Variants in NOL4 observed in about 807,000 individuals in gnomAD.
The protein encoded by NOL4 is cancer/testis antigen 125.
A neutral mutation model predicts 75.9 loss-of-function variants in NOL4; 17 were observed. The observed-to-expected ratio is 0.22, with a 90% CI of 0.15 to 0.34. The LOEUF (loss-of-function observed/expected upper bound fraction) is 0.34, where lower values mean the gene tolerates loss of function less well. Ranked by LOEUF, NOL4 falls within the 10% of genes least tolerant of loss-of-function variation. The pLI, the probability that NOL4 is intolerant of heterozygous loss-of-function variation, is 1.00. For missense variants in NOL4, 614 were observed against 793.5 expected (o/e 0.77, Z 2.72); for synonymous variants, 292 against 289.9 (o/e 1.01, Z -0.07).
Position 33,943,171 on chromosome 18 carries a change from G to T in NOL4, c.1436C>A (p.Pro479His). Residue 479 changes from proline (P) to histidine (H), a missense_variant, in exon 9 of 11, where the codon CCT becomes CAT. Pro to His is a moderately conservative substitution (Grantham distance 77, BLOSUM62 -2). Around this residue, in one of 9 missense-constraint regions of NOL4, gnomAD observed 52 missense variants for 121.1 expected, o/e 0.43. Coordinates refer to ENST00000261592, the MANE Select transcript of NOL4 (RefSeq NM_003787.5). ...MKRSGFEMSR[P>H]IPSHLTSAVA... The stretch of plus-strand genomic sequence containing the variant: ...TGCTGAAGTAAGGTGGGAAGGAATA[G>T]GTCGAGACTAAAAAAAAAAAGAGAA... The T allele has an allele frequency of 6.2e-7, 1 of 1,603,814 alleles. No homozygotes were observed. Among genetic ancestry groups the T allele is most frequent in the Non-Finnish European group, 8.5e-7 (1 of 1,175,210 alleles).
chr18:34,018,630 G>A (rs1280186427), intron 6 of NOL4, among the ~76,000 whole-genome samples: 1 of 152,024 alleles, frequency 6.6e-6, no homozygotes, highest in Non-Finnish European at 1.5e-5. Context: ...ACCAGCATGT[G>A]TTATCTCAAA....
At chr18:34,104,256 G>T in intron 3 of NOL4, 97 bp from the exon 4 acceptor site, 1 of 757,606 alleles carries the variant, frequency 1.3e-6, no homozygotes, top group Non-Finnish European at 2.3e-6. Context: ...CAGGATTTTA[G>T]ATATCAAGTG....
intron 1 of NOL4, among the ~76,000 whole-genome samples, chr18:34,141,914 A>C: frequency 6.6e-6 from 1 of 152,064 alleles, no homozygotes; most frequent in East Asian, 1.9e-4. Flanking sequence ...GAATGGGAAA[A>C]TTTTTTGCAA....
intron 10 of NOL4, among the ~76,000 whole-genome samples, chr18:33,853,576 G>A (rs1346987572): frequency 2.6e-5 from 4 of 152,072 alleles, no homozygotes; most frequent in Admixed American, 2.6e-4. Context: ...GGCACAACCA[G>A]GACTTGACTT....
chr18:34,166,561 A>C (rs532211599), intron 1 of NOL4, among the ~76,000 whole-genome samples: 1 of 152,240 alleles, frequency 6.6e-6, no homozygotes, highest in African/African-American at 2.4e-5. Flanking sequence ...CCATAAATGC[A>C]ATCATGTCAC....
intron 1 of NOL4, among the ~76,000 whole-genome samples, chr18:34,171,039 A>AG (rs2032985258): frequency 6.6e-6 from 1 of 152,168 alleles, no homozygotes; most frequent in Admixed American, 6.5e-5. Flanking sequence ...TAAATATTTG[A>AG]GGCTTTCTTT....
chr18:34,201,159 G>GT (rs1201860883), intron 1 of NOL4, among the ~76,000 whole-genome samples: 1 of 151,554 alleles, frequency 6.6e-6, no homozygotes, highest in Non-Finnish European at 1.5e-5. Context: ...TATTCTGTTG[G>GT]TTTTTTACAT....
At chr18:34,164,758 T>G (rs1020559458) in intron 1 of NOL4, among the ~76,000 whole-genome samples, 1 of 151,880 alleles carries the variant, frequency 6.6e-6, no homozygotes, top group African/African-American at 2.4e-5. Context: ...CCCAAAGGAC[T>G]ATAAATCATG....
chr18:33,898,034 A>G (rs1383110161), intron 9 of NOL4, among the ~76,000 whole-genome samples: 4 of 152,066 alleles, frequency 2.6e-5, no homozygotes, highest in Non-Finnish European at 1.5e-5. Context: ...CAGCCTCCTG[A>G]ATAGATGGGA....
chr18:34,068,193 G>A (rs2077361893), intron 5 of NOL4, among the ~76,000 whole-genome samples: 1 of 152,152 alleles, frequency 6.6e-6, no homozygotes, highest in Non-Finnish European at 1.5e-5. Flanking sequence ...GAGAGGCTTT[G>A]CAGGGCTGGG....
chr18:33,944,684 A>G (rs1219287150), intron 8 of NOL4, among the ~76,000 whole-genome samples: 1 of 151,932 alleles, frequency 6.6e-6, no homozygotes, highest in Non-Finnish European at 1.5e-5. Context: ...CAGGAAAAAA[A>G]TGCAATATAA....
At chr18:34,046,628 ATATATATATG>A (rs1166911038) in intron 5 of NOL4, among the ~76,000 whole-genome samples, 2 of 132,630 alleles carry the variant, frequency 1.5e-5, no homozygotes, top group South Asian at 4.6e-4. Flanking sequence ...ATATATATAT[ATATATATATG>A]TATATGTACT....
intron 2 of NOL4, among the ~76,000 whole-genome samples, chr18:34,106,664 A>G (rs2079296172): frequency 6.6e-6 from 1 of 151,534 alleles, no homozygotes; most frequent in Non-Finnish European, 1.5e-5. Context: ...ATAAGAAAAT[A>G]TATATATAAT....
intron 2 of NOL4, chr18:34,129,004 C>T (rs2080509255): frequency 4.9e-6 from 1 of 202,418 alleles, no homozygotes; most frequent in Admixed American, 6.6e-5. Context: ...ATATTATTCT[C>T]ATTGCTGACA....
intron 6 of NOL4, among the ~76,000 whole-genome samples, chr18:33,971,356 C>T (rs1054322746): frequency 2.6e-5 from 4 of 152,120 alleles, no homozygotes; most frequent in Non-Finnish European, 5.9e-5. Flanking sequence ...CTCTTTTCCT[C>T]CATTGTTTTG....
chr18:34,207,908 C>T (rs922941948), intron 1 of NOL4, among the ~76,000 whole-genome samples: 4 of 152,178 alleles, frequency 2.6e-5, no homozygotes, highest in African/African-American at 9.7e-5. Context: ...ATCACATCAG[C>T]AGTGCAGCTC....
chr18:33,859,640 C>A (rs1356239376), intron 10 of NOL4, among the ~76,000 whole-genome samples: 1 of 152,098 alleles, frequency 6.6e-6, no homozygotes, highest in Admixed American at 6.6e-5. Context: ...TACCAGAGGC[C>A]AGGCATAGTG....
At chr18:33,854,203 T>A (rs1270786198) in intron 10 of NOL4, among the ~76,000 whole-genome samples, 7 of 152,134 alleles carry the variant, frequency 4.6e-5, no homozygotes, top group Non-Finnish European at 8.8e-5. Flanking sequence ...TTTATCCTTT[T>A]GGTTCTCCTT....
chr18:34,004,319 G>A (rs914844544), intron 6 of NOL4, among the ~76,000 whole-genome samples: 2 of 152,026 alleles, frequency 1.3e-5, no homozygotes, highest in African/African-American at 4.8e-5. Flanking sequence ...CTCGCCCAAG[G>A]CTGTGCCATG....
Sources: gnomAD v4.1 joint callset for allele counts (sites outside exome capture counted in the v4.1 genomes callset) on GRCh38, gnomAD v4.1.1 for gene constraint, gnomAD v4.1.1 regional missense constraint, MANE v1.5 for transcripts, NCBI Gene and HGNC (gene_info 2026-07-23, HGNC 2026-07-21) for gene names.